Variants in SLC38A12 observed in about 807,000 individuals in gnomAD.
SLC38A12 encodes the protein putative sodium-coupled neutral amino acid transporter 12.
chr17:74,815,353 T>G, the SLC38A12 span, among the ~76,000 whole-genome samples: 4 of 152,164 alleles, frequency 2.6e-5, no homozygotes, highest in African/African-American at 9.7e-5. Context: ...GGATTGGCTG[T>G]GACAGATCTG....
chr17:74,819,475 C>T, the SLC38A12 span, among the ~76,000 whole-genome samples: 3 of 152,344 alleles, frequency 2.0e-5, no homozygotes, highest in Admixed American at 2.0e-4. Flanking sequence ...CATGGGGTCC[C>T]TGGAATGACA....
the SLC38A12 span, among the ~76,000 whole-genome samples, chr17:74,811,940 G>A: frequency 6.6e-6 from 1 of 151,976 alleles, no homozygotes; most frequent in African/African-American, 2.4e-5. Flanking sequence ...TAGCTACTCA[G>A]GAGGCTTAGG....
the SLC38A12 span, among the ~76,000 whole-genome samples, chr17:74,805,637 C>T: frequency 3.3e-5 from 5 of 152,270 alleles, no homozygotes; most frequent in East Asian, 3.9e-4. This position sits in a 1 kb window ranked among gnomAD's most constrained non-coding sequence, Gnocchi z 5.0. Context: ...ACTCAGTTCC[C>T]GGTCTATTTC....
At chr17:74,798,131 A>T in the SLC38A12 span, among the ~76,000 whole-genome samples, 1 of 152,224 alleles carries the variant, frequency 6.6e-6, no homozygotes, top group South Asian at 2.1e-4. Flanking sequence ...TGTTTGTCTC[A>T]GGTAGATGGT....
At chr17:74,805,638 G>A in the SLC38A12 span, among the ~76,000 whole-genome samples, 13 of 152,148 alleles carry the variant, frequency 8.5e-5, no homozygotes, top group Non-Finnish European at 1.8e-4. This position sits in a 1 kb window ranked among gnomAD's most constrained non-coding sequence, Gnocchi z 5.0. Context: ...CTCAGTTCCC[G>A]GTCTATTTCA....
the SLC38A12 span, among the ~76,000 whole-genome samples, chr17:74,835,070 G>A: frequency 6.6e-6 from 1 of 152,210 alleles, no homozygotes; most frequent in African/African-American, 2.4e-5. Flanking sequence ...TCACCGTAAA[G>A]GGCTGCGAAC....
At chr17:74,834,279 A>G in the SLC38A12 span, among the ~76,000 whole-genome samples, 2 of 151,924 alleles carry the variant, frequency 1.3e-5, no homozygotes, top group Non-Finnish European at 2.9e-5. Context: ...CGCTTGACTG[A>G]CCAGGGTTGG....
chr17:74,810,898 G>A, the SLC38A12 span, among the ~76,000 whole-genome samples: 4,588 of 152,204 alleles, frequency 0.03, 99 homozygotes, highest in East Asian at 0.079. Context: ...TTTCTGACAC[G>A]GCTCCTGCTC....
chr17:74,777,095 A>G, the SLC38A12 span, among the ~76,000 whole-genome samples: 1 of 152,202 alleles, frequency 6.6e-6, no homozygotes, highest in African/African-American at 2.4e-5. Context: ...AACCGTCCAG[A>G]TTTCTGTCAT....
the SLC38A12 span, chr17:74,788,703 T>G: frequency 8.6e-7 from 1 of 1,160,290 alleles, no homozygotes; most frequent in Non-Finnish European, 1.3e-6. Flanking sequence ...CTGGTGGGTC[T>G]GGTCGGTTCT....
chr17:74,804,298 A>G, the SLC38A12 span, among the ~76,000 whole-genome samples: 2 of 152,282 alleles, frequency 1.3e-5, no homozygotes, highest in South Asian at 2.1e-4. Context: ...TCGTGTGGCC[A>G]GTGTCCCAGC....
chr17:74,817,065 C>A, the SLC38A12 span, among the ~76,000 whole-genome samples: 1 of 144,290 alleles, frequency 6.9e-6, no homozygotes, highest in African/African-American at 2.5e-5. Flanking sequence ...CGTGGCAGCG[C>A]ATGCCATTGC....
chr17:74,797,720 TC>T, the SLC38A12 span, among the ~76,000 whole-genome samples: 2 of 151,934 alleles, frequency 1.3e-5, no homozygotes, highest in Non-Finnish European at 2.9e-5. Flanking sequence ...CCCCTTCCCC[TC>T]CCTTGGTGAG....
chr17:74,837,270 A>G, the SLC38A12 span: 2 of 985,592 alleles, frequency 2.0e-6, no homozygotes, highest in Non-Finnish European at 2.4e-6. Flanking sequence ...CCCCATGACA[A>G]GAACAAGAAG....
the SLC38A12 span, chr17:74,836,265 C>G: frequency 2.1e-4 from 332 of 1,611,784 alleles, 2 homozygotes; most frequent in Non-Finnish European, 5.1e-6. This position sits in a 1 kb window ranked among gnomAD's most constrained non-coding sequence, Gnocchi z 4.2. Flanking sequence ...GCGCTTTTTC[C>G]TGGGCCTCTT....
the SLC38A12 span, among the ~76,000 whole-genome samples, chr17:74,825,718 A>G: frequency 6.6e-6 from 1 of 152,318 alleles, no homozygotes; most frequent in South Asian, 2.1e-4. Context: ...CTGACAAGGC[A>G]AGGAAACTAA....
chr17:74,818,961 G>A, the SLC38A12 span, among the ~76,000 whole-genome samples: 1 of 152,200 alleles, frequency 6.6e-6, no homozygotes, highest in Non-Finnish European at 1.5e-5. Context: ...CCACAGACCA[G>A]TTTTCTGAGA....
the SLC38A12 span, among the ~76,000 whole-genome samples, chr17:74,835,651 C>G: frequency 2.0e-5 from 3 of 152,124 alleles, no homozygotes; most frequent in Admixed American, 1.3e-4. Flanking sequence ...TCTGCAAAGC[C>G]GGACCACCCT....
At chr17:74,795,976 G>T in the SLC38A12 span, among the ~76,000 whole-genome samples, 1 of 152,042 alleles carries the variant, frequency 6.6e-6, no homozygotes, top group East Asian at 1.9e-4. Context: ...CATTTTTTCC[G>T]AAACTTTCCA....
Sources: gnomAD v4.1 joint callset for allele counts (sites outside exome capture counted in the v4.1 genomes callset) on GRCh38, gnomAD v4.1.1 for gene constraint, Gnocchi (gnomAD v3.1) non-coding constraint, MANE v1.5 for transcripts, NCBI Gene and HGNC (gene_info 2026-07-23, HGNC 2026-07-21) for gene names.